The following TMEM266 variants were observed in gnomAD, a reference collection of about 807,000 sequenced individuals.
The protein encoded by TMEM266 is Hv1 related protein 1.
In TMEM266, 33 loss-of-function variants were observed where a neutral mutation model predicts 50.5. The ratio of observed to expected loss-of-function variants is 0.65; its 90% CI spans 0.50 to 0.87. The LOEUF (loss-of-function observed/expected upper bound fraction) is 0.87, where lower values mean the gene tolerates loss of function less well. Among genes scored for constraint, TMEM266 ranks in the 40% least tolerant of loss-of-function variants. The probability of loss-of-function intolerance (pLI) is 0.00; values close to 1 mark genes in which losing one functional copy is unlikely to be tolerated. For missense variants in TMEM266, 655 were observed against 695.1 expected, an observed-to-expected ratio of 0.94 and a Z score of 0.65; for synonymous variants, 310 against 292.3, an observed-to-expected ratio of 1.06 and a Z score of -0.62.
At chr15:76,154,939 G>A (rs1048634147) in intron 3 of TMEM266, among the ~76,000 whole-genome samples, 14 of 152,202 alleles carry the variant, frequency 9.2e-5, no homozygotes, top group East Asian at 1.9e-4. Context: ...AGAAGGGGGC[G>A]CCTCAGGGCA....
chr15:76,175,284 A>G (rs557413305), intron 7 of TMEM266: 5 of 316,640 alleles, frequency 1.6e-5, no homozygotes, highest in South Asian at 7.3e-5. Flanking sequence ...GAGGCTGGAA[A>G]ATAGTCTTTA....
At chr15:76,065,671 G>A (rs564538158) in intron 1 of TMEM266, among the ~76,000 whole-genome samples, 5 of 152,106 alleles carry the variant, frequency 3.3e-5, no homozygotes, top group South Asian at 2.1e-4. Context: ...GAGTAGCTAC[G>A]GCAGAGGATT....
At chr15:76,088,077 G>C (rs2036799050) in intron 1 of TMEM266, among the ~76,000 whole-genome samples, 1 of 152,166 alleles carries the variant, frequency 6.6e-6, no homozygotes, top group Non-Finnish European at 1.5e-5. Context: ...CCCTCAGCAT[G>C]GCTCTTCTTC....
intron 1 of TMEM266, among the ~76,000 whole-genome samples, chr15:76,100,999 GTTTT>G (rs200834025): frequency 2.1e-5 from 3 of 144,306 alleles, no homozygotes; most frequent in Non-Finnish European, 3.1e-5. Flanking sequence ...GCTTACCTTG[GTTTT>G]TTTTTTTTTC....
At chr15:76,065,926 C>T (rs995013613) in intron 1 of TMEM266, among the ~76,000 whole-genome samples, 1 of 152,122 alleles carries the variant, frequency 6.6e-6, no homozygotes, top group African/African-American at 2.4e-5. Context: ...TCCTATTCTG[C>T]CCCTCCTTCC....
At chr15:76,123,803 C>T (rs371799642) in intron 1 of TMEM266, among the ~76,000 whole-genome samples, 37 of 152,206 alleles carry the variant, frequency 2.4e-4, no homozygotes, top group African/African-American at 8.7e-4. Context: ...ACCTCCACCT[C>T]CTGGTTTCAA....
At chr15:76,197,500 A>G (rs1477187342) in intron 9 of TMEM266, among the ~76,000 whole-genome samples, 3 of 152,232 alleles carry the variant, frequency 2.0e-5, no homozygotes, top group Non-Finnish European at 4.4e-5. Flanking sequence ...CCTAGAAATT[A>G]TGTAGCTGGT....
intron 1 of TMEM266, among the ~76,000 whole-genome samples, chr15:76,067,784 G>A (rs1596081319): frequency 6.6e-6 from 1 of 151,246 alleles, no homozygotes. Flanking sequence ...TTTGTGGGGG[G>A]CATTGTAATT....
chr15:76,170,256 GGTGGGTGT>G (rs1329603775), intron 6 of TMEM266, among the ~76,000 whole-genome samples: 1 of 152,216 alleles, frequency 6.6e-6, no homozygotes, highest in Non-Finnish European at 1.5e-5. Flanking sequence ...CCGCCACACG[GGTGGGTGT>G]GGTGGGTGGG....
rs145199630 is a variant in TMEM266, at chr15:76,169,203, G to C, written c.457-613G>C. On this transcript the variant is annotated intron_variant, in intron 5 of 10. Coordinates refer to ENST00000388942, the MANE Select transcript of TMEM266 (RefSeq NM_152335.3). ...CCTAAAAGTTGTACTGGGTGCTTCT[G>C]CTTGCTACCCATTGGCCAGAATGTA... is the stretch of plus-strand genomic sequence containing the variant. Among the ~76,000 whole-genome samples the C allele has an allele frequency of 7.2e-5, 11 of 152,168 alleles. No individual in the cohort carries two copies. The East Asian group carries it at 2.1e-3, about 30-fold the overall frequency.
chr15:76,083,632 G>T (rs1271420632), intron 1 of TMEM266, among the ~76,000 whole-genome samples: 1 of 152,132 alleles, frequency 6.6e-6, no homozygotes, highest in Non-Finnish European at 1.5e-5. Context: ...CTCCTTTTAT[G>T]TGCTGGTAGA....
At chr15:76,158,506 T>G (rs2037962400) in intron 4 of TMEM266, among the ~76,000 whole-genome samples, 1 of 152,168 alleles carries the variant, frequency 6.6e-6, no homozygotes, top group Non-Finnish European at 1.5e-5. Flanking sequence ...TGACAAGGTA[T>G]TGAGGAGAAC....
intron 8 of TMEM266, 105 bp from the exon 9 acceptor site, chr15:76,191,863 C>A: frequency 9.2e-7 from 1 of 1,085,046 alleles, no homozygotes; most frequent in Non-Finnish European, 1.3e-6. Flanking sequence ...TCAGCCCAGT[C>A]CTCCCCACCC....
intron 3 of TMEM266, among the ~76,000 whole-genome samples, chr15:76,148,483 G>T (rs1318445454): frequency 6.6e-6 from 1 of 152,178 alleles, no homozygotes; most frequent in Non-Finnish European, 1.5e-5. Flanking sequence ...ACTTCAGGGT[G>T]GCGGGGACTT....
Position 76,107,515 on chromosome 15 carries a change from G to C in TMEM266, c.-96-26653G>C, listed in dbSNP as rs1200012906. ...CATTTTCCATATGAGCAAACTGAGA[G>C]TTAAGAGCTTTCTTGCACCCAACTA... On this transcript the variant is annotated intron_variant, in intron 1 of 10. Transcript: ENST00000388942. Among the ~76,000 whole-genome samples the C allele has an allele frequency of 4.6e-5, 7 of 152,186 alleles. No homozygotes were observed. The South Asian group carries it at 1.5e-3, about 32-fold the overall frequency.
At chr15:76,192,743 G>A (rs185929743) in intron 9 of TMEM266, among the ~76,000 whole-genome samples, 31 of 152,202 alleles carry the variant, frequency 2.0e-4, no homozygotes, top group Non-Finnish European at 3.7e-4. Flanking sequence ...GAGTTATTTC[G>A]AGATTCAAAT....
chr15:76,169,988 C>A, intron 6 of TMEM266, 116 bp downstream of exon 6: 2 of 1,079,584 alleles, frequency 1.9e-6, no homozygotes, highest in Non-Finnish European at 2.8e-6. Context: ...CCTTCTCCCA[C>A]TTGACCTCTG....
In TMEM266 at chr15:76,130,652, G is replaced by A. The variant is rs1279191683; in HGVS notation, c.-96-3516G>A. On this transcript the variant is annotated intron_variant, in intron 1 of 10. Coordinates refer to ENST00000388942, the MANE Select transcript of TMEM266 (RefSeq NM_152335.3). ...ATATTGAAATACAGGTGAATGAAAC[G>A]GCATCTAGGATTTATTCCAAAACAG... Among the ~76,000 whole-genome samples, 5 of 152,194 alleles carry A rather than the reference G, an allele frequency of 3.3e-5. No homozygotes were observed. In the East Asian group the frequency reaches 7.7e-4, roughly 23 times the overall value.
intron 1 of TMEM266, among the ~76,000 whole-genome samples, chr15:76,065,446 G>A (rs905055590): frequency 9.2e-5 from 14 of 152,108 alleles, no homozygotes; most frequent in African/African-American, 3.1e-4. Context: ...TCTTTGAAAT[G>A]CTGTCTGTCG....
Sources: gnomAD v4.1 joint callset for allele counts (sites outside exome capture counted in the v4.1 genomes callset) on GRCh38, gnomAD v4.1.1 for gene constraint, MANE v1.5 for transcripts, NCBI Gene and HGNC (gene_info 2026-07-23, HGNC 2026-07-21) for gene names.